TBC1D15: variants seen among roughly 807,000 people sequenced by gnomAD.
The protein encoded by TBC1D15 is GAP for RAB7.
In TBC1D15, 39 loss-of-function variants were observed where a neutral mutation model predicts 95.4. That is an observed-to-expected ratio of 0.41 (90% confidence interval 0.32 to 0.53). The LOEUF (loss-of-function observed/expected upper bound fraction) is 0.53. Among genes scored for constraint, TBC1D15 ranks in the 20% least tolerant of loss-of-function variants. The pLI, the probability that TBC1D15 is intolerant of heterozygous loss-of-function variation, is 0.29. For missense variants in TBC1D15, 733 were observed against 794.3 expected (o/e 0.92, Z 0.93); for synonymous variants, 258 against 261.3 (o/e 0.99, Z 0.12).
At chr12:71,863,453 T>C (rs1258716461) in intron 1 of TBC1D15, among the ~76,000 whole-genome samples, 1 of 152,210 alleles carries the variant, frequency 6.6e-6, no homozygotes, top group East Asian at 1.9e-4. Context: ...TTGACGTTTT[T>C]TTCCTGCTGT....
chr12:71,915,569 A>ATATGTGTGTG (rs1903510169), intron 12 of TBC1D15, among the ~76,000 whole-genome samples: 1 of 152,084 alleles, frequency 6.6e-6, no homozygotes, highest in South Asian at 2.1e-4. Flanking sequence ...AATGCCACAT[A>ATATGTGTGTG]CACACATGCA....
chr12:71,886,473 A>C (rs1896254113), intron 5 of TBC1D15, among the ~76,000 whole-genome samples: 1 of 152,196 alleles, frequency 6.6e-6, no homozygotes, highest in South Asian at 2.1e-4. Flanking sequence ...CCTGGCTGCT[A>C]ACTTCATTTA....
chr12:71,888,754 G>A (rs1592766990), intron 5 of TBC1D15, among the ~76,000 whole-genome samples: 2 of 151,854 alleles, frequency 1.3e-5, no homozygotes, highest in East Asian at 3.9e-4. Context: ...CTCAATCTCA[G>A]CACTTAAGTC....
intron 11 of TBC1D15, among the ~76,000 whole-genome samples, chr12:71,912,928 G>GA (rs1321976762): frequency 6.6e-6 from 1 of 151,982 alleles, no homozygotes; most frequent in Non-Finnish European, 1.5e-5. Context: ...TTCAAGTCTT[G>GA]AAAATTGTAA....
Position 71,858,078 on chromosome 12 carries a change from T to C in TBC1D15, c.31-13992T>C, listed in dbSNP as rs150481725. 5.4e-3 allele frequency among the ~76,000 whole-genome samples: 829 copies of C among 152,264 alleles called. 8 individuals are homozygous for C. Among genetic ancestry groups the C allele is most frequent in the African/African-American group, 0.019 (796 of 41,538 alleles). On this transcript the variant is annotated intron_variant, in intron 1 of 16. Coordinates refer to ENST00000485960, the MANE Select transcript of TBC1D15 (RefSeq NM_001146213.3). Reference sequence around the variant, plus strand: ...GCATATATGCAACATTTTCTTTCTTTCTTTTTTTTTTGAGACGGAGTTTCG... The same window carrying C: ...GCATATATGCAACATTTTCTTTCTTCCTTTTTTTTTTGAGACGGAGTTTCG...
At chr12:71,873,300 G>A (rs1893076357) in intron 3 of TBC1D15, among the ~76,000 whole-genome samples, 1 of 152,106 alleles carries the variant, frequency 6.6e-6, no homozygotes. Flanking sequence ...CGTATAAATG[G>A]AGTCATGTAA....
chr12:71,884,974 T>C lies in TBC1D15; in HGVS notation c.507T>C (p.Asp169=). Residue 169 remains aspartate, a synonymous_variant, in exon 5 of 17, where the codon GAT becomes GAC. Coordinates refer to ENST00000485960, the MANE Select transcript of TBC1D15 (RefSeq NM_001146213.3). ...CTGCTCTACACTTTCATCAAGGAGA[T>C]AGCAAACTACTGATTGAATCTCTTG... is the stretch of plus-strand genomic sequence containing the variant. ...VLPALHFHQG[D]SKLLIESLEK... 2.5e-6 allele frequency: 4 copies of C among 1,613,956 alleles called. No homozygotes were observed. The highest frequency in any genetic ancestry group is 2.2e-5 in the South Asian group (2 of 91,078).
intron 1 of TBC1D15, chr12:71,861,586 CT>C: frequency 4.1e-6 from 5 of 1,217,618 alleles, no homozygotes; most frequent in East Asian, 2.9e-5. Flanking sequence ...GGTCTTTTCA[CT>C]TTTTTTCTTG....
At chr12:71,917,986 C>T (rs1904109299) in intron 13 of TBC1D15, among the ~76,000 whole-genome samples, 189 bp downstream of exon 13, 6 of 152,030 alleles carry the variant, frequency 3.9e-5, no homozygotes. Flanking sequence ...AGTGAGACCC[C>T]ATCTCTACAA....
intron 10 of TBC1D15, among the ~76,000 whole-genome samples, chr12:71,899,092 A>G (rs1482706862): frequency 6.6e-6 from 1 of 152,120 alleles, no homozygotes; most frequent in African/African-American, 2.4e-5. Context: ...TTCGAACTGG[A>G]AGGGAAGTTA....
intron 5 of TBC1D15, among the ~76,000 whole-genome samples, chr12:71,885,245 GA>G (rs1240362981): frequency 1.3e-5 from 2 of 152,242 alleles, no homozygotes; most frequent in East Asian, 1.9e-4. Context: ...CTGTTACAAA[GA>G]AAAGGGTAGT....
At position 71,855,204 on chromosome 12, in the gene TBC1D15, A is replaced by G. The variant is rs181823816; in HGVS notation, c.30+15393A>G. The stretch of plus-strand genomic sequence containing the variant: ...TGAGAACTCCCTCACTATCCTGAGA[A>G]CAGCATGGGGGAAACTGTCCTTATG... On this transcript the variant is annotated intron_variant, in intron 1 of 16. Transcript: ENST00000485960. Among the ~76,000 whole-genome samples, 239 of 152,204 alleles carry G rather than the reference A, an allele frequency of 1.6e-3. 2 individuals are homozygous for G. Among genetic ancestry groups the G allele is most frequent in the African/African-American group, 5.3e-3 (222 of 41,554 alleles).
intron 12 of TBC1D15, among the ~76,000 whole-genome samples, chr12:71,916,428 T>G (rs1903723608): frequency 6.6e-6 from 1 of 152,176 alleles, no homozygotes; most frequent in African/African-American, 2.4e-5. Flanking sequence ...TCTCTATAGA[T>G]CTCTCTGGTA....
intron 10 of TBC1D15, among the ~76,000 whole-genome samples, chr12:71,904,763 A>G (rs1566051278): frequency 6.6e-6 from 1 of 152,238 alleles, no homozygotes; most frequent in Admixed American, 6.5e-5. Context: ...TCATTTTCTC[A>G]GAAATAGGAA....
intron 1 of TBC1D15, among the ~76,000 whole-genome samples, chr12:71,871,097 C>T (rs1311437236): frequency 6.6e-6 from 1 of 152,012 alleles, no homozygotes; most frequent in African/African-American, 2.4e-5. Context: ...AAATGGGTCT[C>T]AAGAATGGAA....
At chr12:71,899,817 G>A (rs969289713) in intron 10 of TBC1D15, among the ~76,000 whole-genome samples, 5 of 152,214 alleles carry the variant, frequency 3.3e-5, no homozygotes, top group Admixed American at 6.5e-5. Flanking sequence ...AGGTGAGCCC[G>A]GCCATGGTGG....
intron 1 of TBC1D15, among the ~76,000 whole-genome samples, chr12:71,866,390 G>A (rs1041750761): frequency 5.9e-4 from 90 of 152,362 alleles, no homozygotes; most frequent in African/African-American, 2.2e-3. Context: ...TGCAGGGACT[G>A]GTGAAGTCTG....
chr12:71,920,084 T>A (rs1868677998), intron 14 of TBC1D15, among the ~76,000 whole-genome samples: 1 of 152,096 alleles, frequency 6.6e-6, no homozygotes, highest in Admixed American at 6.5e-5. Flanking sequence ...TTGTGGAAAA[T>A]ATATTATTAG....
At chr12:71,917,591 G>A (rs1838528888) in intron 12 of TBC1D15, 107 bp from the exon 13 acceptor site, 2 of 650,482 alleles carry the variant, frequency 3.1e-6, no homozygotes, top group South Asian at 2.7e-5. Flanking sequence ...TTACCAGTGT[G>A]GTATAAGTTC....
Sources: gnomAD v4.1 joint callset for allele counts (sites outside exome capture counted in the v4.1 genomes callset) on GRCh38, gnomAD v4.1.1 for gene constraint, MANE v1.5 for transcripts, NCBI Gene and HGNC (gene_info 2026-07-23, HGNC 2026-07-21) for gene names.